The following DNAAF10 variants were observed in gnomAD, a reference collection of about 807,000 sequenced individuals.
DNAAF10 encodes the protein WD repeat domain 92.
In DNAAF10, 28 loss-of-function variants were observed where a neutral mutation model predicts 43.7. That is an observed-to-expected ratio of 0.64 (90% CI 0.48 to 0.88). The LOEUF (loss-of-function observed/expected upper bound fraction) is 0.88, where lower values mean the gene tolerates loss of function less well. Among genes scored for constraint, DNAAF10 ranks in the 40% least tolerant of loss-of-function variants. The pLI is 0.00. For missense variants in DNAAF10, 403 were observed against 439.1 expected, an observed-to-expected ratio of 0.92 and a Z score of 0.73; for synonymous variants, 156 against 157.3, an observed-to-expected ratio of 0.99 and a Z score of 0.06.
chr2:68,134,181 C>T, intron 7 of DNAAF10: 6 of 985,892 alleles, frequency 6.1e-6, no homozygotes, highest in Non-Finnish European at 7.2e-6. Flanking sequence ...TTTAAATGAT[C>T]TAGTATCTGT....
At chr2:68,131,477 TA>T in intron 7 of DNAAF10, 32 bp from the exon 8 acceptor site, 7 of 1,599,714 alleles carry the variant, frequency 4.4e-6, no homozygotes, top group Non-Finnish European at 6.0e-6. Flanking sequence ...TAAGAGCGCA[TA>T]AATCTTAGCT....
At chr2:68,153,028 G>T (rs1020829800) in intron 1 of DNAAF10, among the ~76,000 whole-genome samples, 1 of 151,986 alleles carries the variant, frequency 6.6e-6, no homozygotes, top group South Asian at 2.1e-4. Context: ...CATTTTTCAG[G>T]GCCATCCCTA....
chr2:68,157,080 G>A (rs1673641099), intron 1 of DNAAF10, 181 bp downstream of exon 1: 1 of 870,446 alleles, frequency 1.1e-6, no homozygotes, highest in African/African-American at 1.7e-5. Context: ...ACTACCCCGC[G>A]GATGAGAAGA....
At chr2:68,143,441 CA>C (rs1396051939) in intron 3 of DNAAF10, among the ~76,000 whole-genome samples, 2 of 152,116 alleles carry the variant, frequency 1.3e-5, no homozygotes, top group Non-Finnish European at 2.9e-5. Context: ...CCTCAGCCCC[CA>C]AAGTTGTGGG....
intron 3 of DNAAF10, among the ~76,000 whole-genome samples, chr2:68,144,111 TG>T (rs1673255293): frequency 6.6e-6 from 1 of 152,144 alleles, no homozygotes; most frequent in African/African-American, 2.4e-5. Context: ...CACTGCAGGG[TG>T]GAAGAGCTGA....
chr2:68,156,633 T>C (rs1293374975), intron 1 of DNAAF10, among the ~76,000 whole-genome samples: 4 of 152,248 alleles, frequency 2.6e-5, no homozygotes, highest in Non-Finnish European at 4.4e-5. Flanking sequence ...GTCTGGTTCC[T>C]GCTTATCCCT....
intron 2 of DNAAF10, among the ~76,000 whole-genome samples, 193 bp from the exon 3 acceptor site, chr2:68,144,908 A>C (rs757898446): frequency 1.3e-5 from 2 of 152,186 alleles, no homozygotes; most frequent in Non-Finnish European, 2.9e-5. Context: ...CCCATTGAGA[A>C]CTGTCATCAT....
chr2:68,156,428 T>C (rs559563209), intron 1 of DNAAF10, among the ~76,000 whole-genome samples: 60 of 152,264 alleles, frequency 3.9e-4, no homozygotes, highest in Non-Finnish European at 8.4e-4. Flanking sequence ...GGTAACAAAA[T>C]CAACACTTTT....
At chr2:68,155,089 G>A (rs914573418) in intron 1 of DNAAF10, among the ~76,000 whole-genome samples, 3 of 151,464 alleles carry the variant, frequency 2.0e-5, no homozygotes, top group Non-Finnish European at 2.9e-5. Flanking sequence ...ATTTTAAAAA[G>A]TCACAGGTCT....
At chr2:68,131,515 C>T (rs1344392571) in intron 7 of DNAAF10, 70 bp from the exon 8 acceptor site, 1 of 1,397,278 alleles carries the variant, frequency 7.2e-7, no homozygotes, top group African/African-American at 1.4e-5. Context: ...TATACATACA[C>T]TTCAATGACT....
intron 2 of DNAAF10, among the ~76,000 whole-genome samples, chr2:68,146,954 A>C (rs1192116472): frequency 6.6e-6 from 1 of 152,190 alleles, no homozygotes; most frequent in East Asian, 1.9e-4. Context: ...AAAACACGAA[A>C]AAGGCATTTG....
chr2:68,156,777 C>A (rs537782733), intron 1 of DNAAF10: 5 of 166,106 alleles, frequency 3.0e-5, no homozygotes, highest in African/African-American at 1.2e-4. Flanking sequence ...TTCATTCATC[C>A]CAAATCTGTT....
chr2:68,143,959 G>A (rs1014755705), intron 3 of DNAAF10, among the ~76,000 whole-genome samples: 1 of 152,100 alleles, frequency 6.6e-6, no homozygotes, highest in African/African-American at 2.4e-5. Context: ...TCATGGTCTT[G>A]AGCGGCCATT....
chr2:68,147,194 A>G (rs1673338355), intron 2 of DNAAF10, among the ~76,000 whole-genome samples: 1 of 152,204 alleles, frequency 6.6e-6, no homozygotes. Context: ...TTACAAATAC[A>G]TGGCATTAAA....
chr2:68,134,805 T>C lies in DNAAF10; in HGVS notation c.769-6A>G. ...CACACAGTAGATTTATGAGCCTAAA[T>C]AGAACAAGAGGCATACAACTGGTTT... On this transcript the variant is annotated splice_region_variant and splice_polypyrimidine_tract_variant and intron_variant, in intron 6 of 7. Coordinates refer to ENST00000295121, the MANE Select transcript of DNAAF10 (RefSeq NM_138458.4). 7 of 1,613,444 alleles carry C rather than the reference T, an allele frequency of 4.3e-6. No homozygotes were observed. The highest frequency in any genetic ancestry group is 3.3e-5 in the South Asian group (3 of 90,926).
At chr2:68,131,827 G>T in intron 7 of DNAAF10, 1 of 209,234 alleles carries the variant, frequency 4.8e-6, no homozygotes, top group Non-Finnish European at 9.9e-6. Flanking sequence ...GATATCACAG[G>T]CAAACAATGT....
chr2:68,154,035 G>A (rs1438611308), intron 1 of DNAAF10, among the ~76,000 whole-genome samples: 57 of 151,914 alleles, frequency 3.8e-4, no homozygotes, highest in Admixed American at 3.7e-3. Context: ...TTACAGGTGT[G>A]AGCACCGCGC....
chr2:68,130,109 G>GATATATATATATAT lies in DNAAF10; in HGVS notation c.*1128_*1129insATATATATATATAT, dbSNP rs199700133. On this transcript the variant is annotated 3_prime_UTR_variant, in exon 8 of 8. Coordinates refer to ENST00000295121, the MANE Select transcript of DNAAF10 (RefSeq NM_138458.4). ...CTAGACCAACCGTGCCGTTTTGAGA[G>GATATATATATATAT]AGAGAGATATATATATATATATTTG... is the stretch of plus-strand genomic sequence containing the variant. The GATATATATATATAT allele has an allele frequency of 7.7e-5, 10 of 129,198 alleles. No homozygotes were observed. The highest frequency in any genetic ancestry group is 3.3e-4 in the African/African-American group (10 of 29,998). 8.0% of individuals were successfully genotyped at this position (129,198 alleles called of 1,614,324 possible).
chr2:68,143,865 A>G (rs1673250130), intron 3 of DNAAF10, among the ~76,000 whole-genome samples: 1 of 152,234 alleles, frequency 6.6e-6, no homozygotes, highest in Admixed American at 6.5e-5. Context: ...TTATGATTAA[A>G]AAAAATAAGT....
Sources: allele counts gnomAD v4.1 joint callset (sites outside exome capture counted in the v4.1 genomes callset), GRCh38; gene constraint gnomAD v4.1.1; transcripts MANE v1.5; gene names NCBI Gene and HGNC (gene_info 2026-07-23, HGNC 2026-07-21).